The following YWHAE variants were observed in gnomAD, a reference collection of about 807,000 sequenced individuals.
YWHAE encodes the protein tyrosine 3-monooxygenase/tryptophan 5-monooxygenase activation protein epsilon.
YWHAE carries 4 observed loss-of-function variants against 30.1 expected under a neutral mutation model. The ratio of observed to expected loss-of-function variants is 0.13; its 90% CI spans 0.07 to 0.30. The LOEUF is 0.30. Ranked by LOEUF, YWHAE falls within the 10% of genes least tolerant of loss-of-function variation. The pLI is 1.00. For missense variants in YWHAE, 121 were observed against 315.9 expected, an observed-to-expected ratio of 0.38 and a Z score of 4.68; for synonymous variants, 118 against 111.8, an observed-to-expected ratio of 1.06 and a Z score of -0.35.
At chr17:1,351,555 T>C (rs2072632950) in intron 5 of YWHAE, among the ~76,000 whole-genome samples, 2 of 152,098 alleles carry the variant, frequency 1.3e-5, no homozygotes, top group South Asian at 4.2e-4. Flanking sequence ...GGCAGAGAGA[T>C]ACTAGCATCT....
At chr17:1,359,789 A>G (rs1023412469) in intron 4 of YWHAE, among the ~76,000 whole-genome samples, 5 of 148,210 alleles carry the variant, frequency 3.4e-5, no homozygotes, top group Admixed American at 2.7e-4. Context: ...AACACTGTCA[A>G]TGTATTCGGT....
intron 4 of YWHAE, 70 bp from the exon 5 acceptor site, chr17:1,354,417 C>T: frequency 6.8e-7 from 1 of 1,467,090 alleles, no homozygotes; most frequent in African/African-American, 1.4e-5. Flanking sequence ...ACATGCTAGA[C>T]AGCAATCTTT....
intron 1 of YWHAE, among the ~76,000 whole-genome samples, chr17:1,398,187 C>G (rs1462089214): frequency 6.6e-6 from 1 of 152,064 alleles, no homozygotes; most frequent in Admixed American, 6.6e-5. Context: ...TTGTTTCCTC[C>G]CAAGAACACT....
intron 2 of YWHAE, among the ~76,000 whole-genome samples, chr17:1,363,511 C>CAAG (rs1166921612): frequency 6.6e-6 from 1 of 152,088 alleles, no homozygotes; most frequent in East Asian, 1.9e-4. Flanking sequence ...GGTACCTGCC[C>CAAG]GCCTTGGCCT....
At chr17:1,366,542 C>G (rs1378206136) in intron 1 of YWHAE, among the ~76,000 whole-genome samples, 1 of 151,996 alleles carries the variant, frequency 6.6e-6, no homozygotes, top group Non-Finnish European at 1.5e-5. Context: ...CAAAAAAAAC[C>G]AAAAGAAAGA....
intron 1 of YWHAE, among the ~76,000 whole-genome samples, chr17:1,386,509 G>C (rs1158936468): frequency 6.6e-6 from 1 of 152,228 alleles, no homozygotes; most frequent in Non-Finnish European, 1.5e-5. Context: ...CATTCAGTAA[G>C]TATTTGTCAA....
In YWHAE at chr17:1,366,224, T is replaced by A. The variant is rs555919903; in HGVS notation, c.65-1166A>T. On this transcript the variant is annotated intron_variant, in intron 1 of 5. Coordinates refer to ENST00000264335, the MANE Select transcript of YWHAE (RefSeq NM_006761.5). ...AGACTCCACCTCAAAAAAAAAAAAA[T>A]AGAATAAATAAAATAAAAATAAAAA... Among the ~76,000 whole-genome samples the A allele has an allele frequency of 2.2e-3, 298 of 136,310 alleles. 2 individuals are homozygous for A. The highest frequency in any genetic ancestry group is 7.8e-3 in the African/African-American group (277 of 35,582). The allele number at this position is 136,310 out of a possible 152,430, so 89.4% of individuals were successfully genotyped here. A position where few individuals can be genotyped will look rare whatever the true frequency, so the allele number is the denominator to read the frequency against.
chr17:1,370,151 G>A lies in YWHAE; in HGVS notation c.65-5093C>T, dbSNP rs564041286. 1.4e-4 allele frequency among the ~76,000 whole-genome samples: 18 copies of A among 127,208 alleles called. No homozygotes were observed. The South Asian group carries it at 1.5e-3, about 11-fold the overall frequency. 83.5% of individuals were successfully genotyped at this position (127,208 alleles called of 152,430 possible). ...TTTTTTTTTTTTTTTTTTTTGAGAC[G>A]GAGTCTCGCTCTGTCACCAGGCTGG... On this transcript the variant is annotated intron_variant, in intron 1 of 5. Coordinates refer to ENST00000264335, the MANE Select transcript of YWHAE (RefSeq NM_006761.5).
At chr17:1,389,420 T>C (rs2073356085) in intron 1 of YWHAE, among the ~76,000 whole-genome samples, 1 of 152,206 alleles carries the variant, frequency 6.6e-6, no homozygotes, top group Admixed American at 6.6e-5. Flanking sequence ...CCAAGGCTTA[T>C]ATTATGCCTT....
intron 1 of YWHAE, among the ~76,000 whole-genome samples, chr17:1,388,100 TGTTTTTTTTTTTGGTTG>T (rs1462810504): frequency 0.042 from 2,992 of 72,038 alleles, 236 homozygotes; most frequent in African/African-American, 0.09. Flanking sequence ...GGGTAATTTT[TGTTTTTTTTTTTGGTTG>T]GTTTTTTTTT....
In YWHAE at chr17:1,396,292, C is replaced by T. The variant is rs56010036; in HGVS notation, c.64+3755G>A. 5.3e-3 allele frequency among the ~76,000 whole-genome samples: 797 copies of T among 151,552 alleles called. 3 individuals are homozygous for T. The highest frequency in any genetic ancestry group is 0.01 in the Middle Eastern group (3 of 290). On this transcript the variant is annotated intron_variant, in intron 1 of 5. Coordinates refer to ENST00000264335, the MANE Select transcript of YWHAE (RefSeq NM_006761.5). The stretch of plus-strand genomic sequence containing the variant: ...ATACAAAATTAGCATGGCATGGTGG[C>T]ACATGCCTGTAGTCCCAGCTACTCG...
chr17:1,377,615 CAAAAAG>C (rs1677570407), intron 1 of YWHAE, among the ~76,000 whole-genome samples: 1 of 151,572 alleles, frequency 6.6e-6, no homozygotes, highest in Non-Finnish European at 1.5e-5. Flanking sequence ...CTCTGTCTCT[CAAAAAG>C]AAAGAGTTCA....
At chr17:1,384,579 G>A (rs966167476) in intron 1 of YWHAE, among the ~76,000 whole-genome samples, 1 of 152,096 alleles carries the variant, frequency 6.6e-6, no homozygotes, top group Admixed American at 6.5e-5. Context: ...TGTACTCCCA[G>A]CTACTCAGGA....
chr17:1,345,443 T>C lies in YWHAE; in HGVS notation c.*4A>G, dbSNP rs767617096. On this transcript the variant is annotated 3_prime_UTR_variant, in exon 6 of 6. Transcript: ENST00000264335. ...AGAGATGGTTTCTCTTGTTGGCTTA[T>C]GTCTCACTGATTTTCGTCTTCCACG... 3.7e-6 allele frequency: 6 copies of C among 1,613,780 alleles called. No homozygotes were observed. Among genetic ancestry groups the C allele is most frequent in the African/African-American group, 2.7e-5 (2 of 74,902 alleles).
chr17:1,353,943 G>A (rs1376404799), intron 5 of YWHAE, among the ~76,000 whole-genome samples: 1 of 152,110 alleles, frequency 6.6e-6, no homozygotes, highest in Middle Eastern at 3.2e-3. Flanking sequence ...AAATTGAATT[G>A]AATGAAGATA....
chr17:1,381,894 G>A (rs1246679307), intron 1 of YWHAE, among the ~76,000 whole-genome samples: 2 of 119,220 alleles, frequency 1.7e-5, no homozygotes, highest in Admixed American at 2.2e-4. Flanking sequence ...GCCTGCACGA[G>A]AGAGCGACAC....
At chr17:1,371,740 C>T (rs1022768135) in intron 1 of YWHAE, among the ~76,000 whole-genome samples, 7 of 152,062 alleles carry the variant, frequency 4.6e-5, no homozygotes, top group Non-Finnish European at 1.0e-4. Context: ...GTTTTGTCTA[C>T]GCTGAAAATC....
chr17:1,374,402 G>A (rs990925902), intron 1 of YWHAE, among the ~76,000 whole-genome samples: 3 of 151,866 alleles, frequency 2.0e-5, no homozygotes, highest in South Asian at 4.1e-4. Context: ...ATGCTGCTAC[G>A]AACGTTCTTT....
intron 1 of YWHAE, among the ~76,000 whole-genome samples, chr17:1,394,460 A>AAAAAAAAAC (rs1555647412): frequency 1.2e-4 from 17 of 137,620 alleles, no homozygotes; most frequent in African/African-American, 4.9e-4. Flanking sequence ...AAAAAAAAAA[A>AAAAAAAAAC]ACACAAAAAT....
Sources: gnomAD v4.1 joint callset for allele counts (sites outside exome capture counted in the v4.1 genomes callset) on GRCh38, gnomAD v4.1.1 for gene constraint, MANE v1.5 for transcripts, NCBI Gene and HGNC (gene_info 2026-07-23, HGNC 2026-07-21) for gene names.